CNOT1: variants seen among roughly 807,000 people sequenced by gnomAD.
The protein encoded by CNOT1 is CCR4-NOT transcription complex subunit 1.
Under a neutral mutation model 273.8 loss-of-function variants are expected in CNOT1, and 15 were observed. The ratio of observed to expected loss-of-function variants is 0.05; its 90% confidence interval spans 0.04 to 0.08. The LOEUF (loss-of-function observed/expected upper bound fraction) is 0.08, where lower values mean the gene tolerates loss of function less well. CNOT1 is among the 10% of genes least tolerant of loss of function. The probability of loss-of-function intolerance (pLI) is 1.00; values close to 1 mark genes in which losing one functional copy is unlikely to be tolerated. For missense variants in CNOT1, 1,644 were observed against 2,912.2 expected (o/e 0.56, Z 10.02); for synonymous variants, 1,022 against 1,005.5 (o/e 1.02, Z -0.31).
chr16:58,593,990 A>G (rs1269598526), intron 2 of CNOT1, among the ~76,000 whole-genome samples: 5 of 152,232 alleles, frequency 3.3e-5, no homozygotes, highest in Non-Finnish European at 7.3e-5. Flanking sequence ...CACGCCTGTA[A>G]TCCCAGCACT....
chr16:58,592,630 C>T (rs12931051), intron 2 of CNOT1, among the ~76,000 whole-genome samples: 7,520 of 152,234 alleles, frequency 0.049, 252 homozygotes, highest in Middle Eastern at 0.088. Context: ...CTTCTTACCA[C>T]CTCTAAAAAT....
intron 2 of CNOT1, 123 bp downstream of exon 2, chr16:58,599,113 C>A (rs2042375662): frequency 5.1e-6 from 5 of 978,578 alleles, no homozygotes; most frequent in Admixed American, 2.5e-5. Flanking sequence ...TGACAGAAAT[C>A]ACTTGAATTA....
intron 35 of CNOT1, 72 bp downstream of exon 35, chr16:58,539,696 G>A: frequency 7.2e-7 from 1 of 1,383,346 alleles, no homozygotes; most frequent in Non-Finnish European, 9.8e-7. Flanking sequence ...GCATAAATAT[G>A]TAGATGGTGG....
intron 22 of CNOT1, among the ~76,000 whole-genome samples, chr16:58,553,004 G>A (rs2040506108): frequency 6.6e-6 from 1 of 152,152 alleles, no homozygotes; most frequent in Non-Finnish European, 1.5e-5. Context: ...CGGGCGCGGT[G>A]GCTCACACCT....
intron 40 of CNOT1, 165 bp from the exon 41 acceptor site, chr16:58,532,560 G>C (rs1426949268): frequency 2.6e-5 from 33 of 1,246,116 alleles, no homozygotes; most frequent in Non-Finnish European, 3.4e-5. Context: ...GTCATAAATT[G>C]GTCTGACTCC....
At chr16:58,521,158 C>CAATT in intron 48 of CNOT1, 25 bp downstream of exon 48, 1 of 1,612,918 alleles carries the variant, frequency 6.2e-7, no homozygotes, top group Non-Finnish European at 8.5e-7. Flanking sequence ...CATTCCTAGA[C>CAATT]AATTAAAAAT....
At chr16:58,565,581 C>G (rs1291726754) in intron 16 of CNOT1, among the ~76,000 whole-genome samples, 1 of 152,200 alleles carries the variant, frequency 6.6e-6, no homozygotes, top group Non-Finnish European at 1.5e-5. Flanking sequence ...GTTGTCACCT[C>G]TCTTCAGGTC....
intron 17 of CNOT1, among the ~76,000 whole-genome samples, chr16:58,559,226 T>A (rs988145893): frequency 6.6e-6 from 1 of 152,166 alleles, no homozygotes; most frequent in Non-Finnish European, 1.5e-5. Context: ...TTGGAGCATT[T>A]TGGATTTACA....
rs763930906 is a variant in CNOT1, at chr16:58,578,787, C to T, written c.1496G>A (p.Arg499His). The T allele has an allele frequency of 5.6e-5, 91 of 1,613,920 alleles. No homozygotes were observed. Among genetic ancestry groups the T allele is most frequent in the Non-Finnish European group, 6.9e-5 (81 of 1,180,018 alleles). ...CATCAGAGTGGAGATAAGTTCATGG[C>T]GCAAGGTATGCCAAGAGGTGTTAAT... ...LQINTSWHTL[R>H]HELISTLMPI... Residue 499 changes from arginine to histidine, a missense_variant, in exon 13 of 49, where the codon CGC becomes CAC. Physicochemically the swap from Arg to His is conservative, Grantham distance 29. Coordinates refer to ENST00000317147, the MANE Select transcript of CNOT1 (RefSeq NM_016284.5).
chr16:58,573,441 G>A (rs1222662183), intron 16 of CNOT1, among the ~76,000 whole-genome samples: 2 of 150,742 alleles, frequency 1.3e-5, no homozygotes, highest in African/African-American at 2.4e-5. Context: ...AAAATTCAAC[G>A]TAATCCTCTC....
rs561127889 is a variant in CNOT1, at chr16:58,541,718, C to CA, written c.4681-99dup. On this transcript the variant is annotated intron_variant, in intron 33 of 48. Transcript: ENST00000317147. The stretch of plus-strand genomic sequence containing the variant: ...CTGCATGTGGGTAAGCTCAGGGACA[C>CA]AAGAGTCATTACAACATATAACAGC... 70 of 1,180,728 alleles carry CA rather than the reference C, an allele frequency of 5.9e-5. No individual in the cohort carries two copies. The African/African-American group carries it at 9.4e-4, about 16-fold the overall frequency. 73.1% of individuals were successfully genotyped at this position (1,180,728 alleles called of 1,614,324 possible).
rs774574598 is a variant in CNOT1, at chr16:58,613,433, A to C, written c.-174-13922T>G. Among the ~76,000 whole-genome samples the C allele has an allele frequency of 1.1e-4, 14 of 124,048 alleles. 4 individuals carry two copies. Among genetic ancestry groups the C allele is most frequent in the Non-Finnish European group, 2.5e-4 (13 of 52,168 alleles). 81.4% of individuals were successfully genotyped at this position (124,048 alleles called of 152,430 possible). A position where few individuals can be genotyped will look rare whatever the true frequency, so the allele number is the denominator to read the frequency against. On this transcript the variant is annotated intron_variant, in intron 1 of 48. Coordinates refer to ENST00000317147, the MANE Select transcript of CNOT1 (RefSeq NM_016284.5). ...ATTCTTGGTATCAATAAGCATCTCC[A>C]CTCTCACAGAAGTTTTAGGCCCCTA...
At chr16:58,571,804 C>A (rs1452251678) in intron 16 of CNOT1, among the ~76,000 whole-genome samples, 2 of 151,740 alleles carry the variant, frequency 1.3e-5, no homozygotes, top group African/African-American at 4.8e-5. Flanking sequence ...ATGGTGAAAT[C>A]CCATCTCTAC....
chr16:58,579,904 C>T (rs12445198), intron 12 of CNOT1, among the ~76,000 whole-genome samples: 15,753 of 152,120 alleles, frequency 0.1, 872 homozygotes, highest in South Asian at 0.21. Context: ...AAACTAGATA[C>T]TTTAGCTGAA....
At chr16:58,527,172 C>G (rs932863709) in intron 44 of CNOT1, among the ~76,000 whole-genome samples, 2 of 152,038 alleles carry the variant, frequency 1.3e-5, no homozygotes, top group African/African-American at 4.8e-5. Context: ...TAATTAACCT[C>G]AAATCGAAAA....
rs769511201 is a variant in CNOT1 at position 58,576,590 on chromosome 16, G to T, written c.1585-8C>A. The T allele has an allele frequency of 1.2e-6, 2 of 1,613,986 alleles. No individual in the cohort carries two copies. On this transcript the variant is annotated splice_polypyrimidine_tract_variant and splice_region_variant and intron_variant, in intron 13 of 48. Transcript: ENST00000317147. ...AATTGAGGGAGACTGTCCCTAAAAA[G>T]GGGAAGAAAGATTAAATAGCAATAC...
chr16:58,558,048 T>C (rs1448301914), intron 18 of CNOT1, among the ~76,000 whole-genome samples: 2 of 152,128 alleles, frequency 1.3e-5, no homozygotes, highest in Non-Finnish European at 2.9e-5. Flanking sequence ...TGGGATGTCC[T>C]ATCATTTTCA....
At chr16:58,578,573 T>C in intron 13 of CNOT1, 126 bp downstream of exon 13, 1 of 1,441,394 alleles carries the variant, frequency 6.9e-7, no homozygotes, top group Non-Finnish European at 9.1e-7. Flanking sequence ...TTTATGACAG[T>C]ATGACTTTTA....
At chr16:58,523,239 C>T (rs575066532) in intron 47 of CNOT1, 131 bp downstream of exon 47, 18 of 921,414 alleles carry the variant, frequency 2.0e-5, no homozygotes, top group South Asian at 4.5e-5. Flanking sequence ...AGCAACACTC[C>T]GTCTCAAAAA....
Sources: allele counts gnomAD v4.1 joint callset (sites outside exome capture counted in the v4.1 genomes callset), GRCh38; gene constraint gnomAD v4.1.1; transcripts MANE v1.5; gene names NCBI Gene and HGNC (gene_info 2026-07-23, HGNC 2026-07-21).